Variants in KIAA0825 observed in about 807,000 individuals in gnomAD.
KIAA0825 encodes the protein uncharacterized protein KIAA0825.
In KIAA0825, 119 loss-of-function variants were observed where a neutral mutation model predicts 147.6. The observed-to-expected ratio is 0.81, with a 90% confidence interval of 0.69 to 0.94. KIAA0825 has a LOEUF of 0.94. Among genes scored for constraint, KIAA0825 ranks in the 40% least tolerant of loss-of-function variants. The probability of loss-of-function intolerance (pLI) is 0.00; values close to 1 mark genes in which losing one functional copy is unlikely to be tolerated. For missense variants in KIAA0825, 1,381 were observed against 1,472.7 expected (o/e 0.94, Z 1.02); for synonymous variants, 470 against 518.1 (o/e 0.91, Z 1.26).
chr5:94,309,598 C>T (rs1778982000), intron 20 of KIAA0825, among the ~76,000 whole-genome samples: 1 of 151,700 alleles, frequency 6.6e-6, no homozygotes. Context: ...CGGAGGCACT[C>T]AGCATTGAGC....
intron 2 of KIAA0825, among the ~76,000 whole-genome samples, chr5:94,574,543 C>CAAAAAAAAAA (rs1181241238): frequency 5.9e-3 from 388 of 65,390 alleles, no homozygotes; most frequent in Middle Eastern, 0.023. Context: ...GACTCCATCT[C>CAAAAAAAAAA]AAAAAAAAAA....
intron 2 of KIAA0825, among the ~76,000 whole-genome samples, chr5:94,564,855 T>A (rs751001418): frequency 9.9e-5 from 15 of 152,118 alleles, no homozygotes; most frequent in Non-Finnish European, 1.8e-4. Flanking sequence ...ATCATCTGGA[T>A]TAGTGCAGCA....
At chr5:94,440,873 T>C (rs945917205) in intron 13 of KIAA0825, among the ~76,000 whole-genome samples, 2 of 152,010 alleles carry the variant, frequency 1.3e-5, no homozygotes, top group African/African-American at 2.4e-5. Context: ...AAACCTAAAA[T>C]TTAGATTGGC....
At chr5:94,328,235 A>C (rs1016079607) in intron 20 of KIAA0825, among the ~76,000 whole-genome samples, 1 of 152,184 alleles carries the variant, frequency 6.6e-6, no homozygotes, top group African/African-American at 2.4e-5. Context: ...ATTATCATAT[A>C]TACAGAACAT....
intron 13 of KIAA0825, among the ~76,000 whole-genome samples, chr5:94,442,665 T>A (rs181127566): frequency 2.6e-5 from 4 of 152,294 alleles, no homozygotes; most frequent in Admixed American, 2.6e-4. Context: ...TGGGGTTCAA[T>A]GGATGAAAAA....
chr5:94,492,871 A>C (rs1763893919), intron 5 of KIAA0825, among the ~76,000 whole-genome samples: 1 of 152,194 alleles, frequency 6.6e-6, no homozygotes, highest in African/African-American at 2.4e-5. Flanking sequence ...AATTGACTCC[A>C]TCTCTAAGGT....
chr5:94,552,158 C>T (rs1775669595), intron 2 of KIAA0825, among the ~76,000 whole-genome samples: 1 of 151,876 alleles, frequency 6.6e-6, no homozygotes, highest in Non-Finnish European at 1.5e-5. Context: ...AGTAAAAACT[C>T]TAAAAAGAGA....
In KIAA0825 at chr5:94,520,778, T is replaced by G. The variant is rs779820982; in HGVS notation, c.440A>C (p.His147Pro). Reference protein sequence around the residue: ...SFHFLSRTSLHSVEDNSSMDV... With the variant: ...SFHFLSRTSLPSVEDNSSMDV... ...CATAGAGGAATTATCTTCAACAGAATGAAGAGACGTCCTAGAGAGGAAATG... is the reference window on the plus strand; with the variant it reads ...CATAGAGGAATTATCTTCAACAGAAGGAAGAGACGTCCTAGAGAGGAAATG... Residue 147 changes from histidine (H) to proline (P), a missense_variant, in exon 5 of 21, where the codon CAT becomes CCT. Coordinates refer to ENST00000682413, the MANE Select transcript of KIAA0825 (RefSeq NM_001145678.3). The G allele has an allele frequency of 4.3e-6, 7 of 1,613,188 alleles. No homozygotes were observed. Among genetic ancestry groups the G allele is most frequent in the Non-Finnish European group, 5.1e-6 (6 of 1,179,408 alleles).
At chr5:94,230,089 A>G (rs926383790) in intron 20 of KIAA0825, among the ~76,000 whole-genome samples, 3 of 152,252 alleles carry the variant, frequency 2.0e-5, no homozygotes, top group South Asian at 2.1e-4. Context: ...GGGGCTGTCA[A>G]TTGAGGGGTT....
intron 20 of KIAA0825, among the ~76,000 whole-genome samples, chr5:94,313,101 CA>C (rs1438946173): frequency 5.3e-5 from 8 of 151,592 alleles, no homozygotes; most frequent in African/African-American, 7.3e-5. Flanking sequence ...AATTTTGGAA[CA>C]AATGGCTTGT....
chr5:94,535,385 C>T (rs1011667003), intron 3 of KIAA0825, among the ~76,000 whole-genome samples: 12 of 150,426 alleles, frequency 8.0e-5, no homozygotes, highest in African/African-American at 2.9e-4. Context: ...CGGCGGGCAC[C>T]TGTAATCCCA....
At chr5:94,305,356 G>T (rs1778656117) in intron 20 of KIAA0825, among the ~76,000 whole-genome samples, 1 of 151,782 alleles carries the variant, frequency 6.6e-6, no homozygotes, top group South Asian at 2.1e-4. Flanking sequence ...AGTGAAAATG[G>T]TCTATCATAT....
intron 20 of KIAA0825, among the ~76,000 whole-genome samples, chr5:94,237,670 C>T (rs1775128323): frequency 6.6e-6 from 1 of 152,152 alleles, no homozygotes; most frequent in Admixed American, 6.5e-5. Flanking sequence ...ATATCTTGGA[C>T]TCTATATCTT....
Position 94,232,530 on chromosome 5 carries a change from T to G in KIAA0825, c.3711-78406A>C, listed in dbSNP as rs535412170. Among the ~76,000 whole-genome samples the G allele has an allele frequency of 9.3e-3, 9 of 968 alleles. No individual in the cohort carries two copies. In the South Asian group the frequency reaches 0.44, roughly 48 times the overall value. The allele number at this position is 968 out of a possible 152,430, so 0.6% of individuals were successfully genotyped here. Reference sequence around the variant, plus strand: ...CCCTAACTGATAAACTACTTGGGTTTACTTTTTTTATGGAGGGATTTTAAT... The same window carrying G: ...CCCTAACTGATAAACTACTTGGGTTGACTTTTTTTATGGAGGGATTTTAAT... On this transcript the variant is annotated intron_variant, in intron 20 of 20. Transcript: ENST00000682413.
At chr5:94,489,979 T>C (rs1357590031) in intron 5 of KIAA0825, among the ~76,000 whole-genome samples, 1 of 152,112 alleles carries the variant, frequency 6.6e-6, no homozygotes, top group East Asian at 1.9e-4. Context: ...ATCCACTTTT[T>C]CCATGTCAAG....
At chr5:94,540,598 A>G (rs1297816864) in intron 2 of KIAA0825, among the ~76,000 whole-genome samples, 3 of 152,212 alleles carry the variant, frequency 2.0e-5, no homozygotes, top group Non-Finnish European at 4.4e-5. Context: ...AGCTTGATTA[A>G]TTGGCTTAAT....
chr5:94,159,863 G>T (rs1320942363), intron 20 of KIAA0825, among the ~76,000 whole-genome samples: 1 of 152,078 alleles, frequency 6.6e-6, no homozygotes, highest in Non-Finnish European at 1.5e-5. Context: ...ATGTTATTAT[G>T]AAACATTTAT....
chr5:94,359,974 G>A (rs1375261863), intron 20 of KIAA0825, among the ~76,000 whole-genome samples: 1 of 152,074 alleles, frequency 6.6e-6, no homozygotes, highest in Non-Finnish European at 1.5e-5. Flanking sequence ...CTATTCTCCT[G>A]GAGTTTACAC....
At chr5:94,427,022 C>T (rs776601053) in intron 14 of KIAA0825, among the ~76,000 whole-genome samples, 2 of 152,094 alleles carry the variant, frequency 1.3e-5, no homozygotes, top group African/African-American at 2.4e-5. Context: ...GTATGGTATA[C>T]AAGGCCTAAA....
Sources: allele counts gnomAD v4.1 joint callset (sites outside exome capture counted in the v4.1 genomes callset), GRCh38; gene constraint gnomAD v4.1.1; transcripts MANE v1.5; gene names NCBI Gene and HGNC (gene_info 2026-07-23, HGNC 2026-07-21).